ANKFN1: variants seen among roughly 807,000 people sequenced by gnomAD.
ANKFN1 encodes the protein ankyrin repeat and fibronectin type III domain containing 1.
In ANKFN1, 74 loss-of-function variants were observed where a neutral mutation model predicts 108.7. The ratio of observed to expected loss-of-function variants is 0.68; its 90% confidence interval spans 0.56 to 0.83. The LOEUF (loss-of-function observed/expected upper bound fraction) is 0.83. ANKFN1 is among the 40% of genes least tolerant of loss of function. The pLI is 0.00. For synonymous variants in ANKFN1, 547 were observed against 516.2 expected, an observed-to-expected ratio of 1.06 and a Z score of -0.81; for missense variants, 1,505 against 1,382.3, an observed-to-expected ratio of 1.09 and a Z score of -1.41.
chr17:56,181,360 C>T (rs575896507), intron 1 of ANKFN1, among the ~76,000 whole-genome samples: 2 of 152,286 alleles, frequency 1.3e-5, no homozygotes, highest in Admixed American at 6.5e-5. Flanking sequence ...TTATCAAGCA[C>T]GTACTGTGTG....
chr17:56,095,469 T>G (rs929655069), intron 4 of ANKFN1, among the ~76,000 whole-genome samples: 2 of 150,906 alleles, frequency 1.3e-5, no homozygotes, highest in African/African-American at 2.4e-5. Context: ...TTTTTGCGTC[T>G]TTTTGTTGTT....
intron 3 of ANKFN1, among the ~76,000 whole-genome samples, chr17:56,266,260 G>C (rs9902904): frequency 0.085 from 12,970 of 152,120 alleles, 729 homozygotes; most frequent in African/African-American, 0.16. Context: ...TATATTCTGT[G>C]AGAATTTTAC....
intron 17 of ANKFN1, 98 bp from the exon 18 acceptor site, chr17:56,482,258 G>A (rs1342976328): frequency 1.8e-6 from 2 of 1,093,180 alleles, no homozygotes; most frequent in Non-Finnish European, 2.6e-6. Flanking sequence ...GCTTGAAGTT[G>A]TGTAATTTTG....
chr17:56,409,796 A>G (rs1303669452), intron 8 of ANKFN1, among the ~76,000 whole-genome samples: 1 of 152,070 alleles, frequency 6.6e-6, no homozygotes, highest in Non-Finnish European at 1.5e-5. Flanking sequence ...TTTTAAACAC[A>G]AGCAATCACG....
At chr17:56,091,417 A>ATC (rs1422494818) in intron 4 of ANKFN1, among the ~76,000 whole-genome samples, 9 of 87,584 alleles carry the variant, frequency 1.0e-4, no homozygotes, top group Non-Finnish European at 1.6e-4. Context: ...TTCCAAACAA[A>ATC]TCACACACAC....
intron 1 of ANKFN1, among the ~76,000 whole-genome samples, chr17:56,157,924 G>A (rs1330159062): frequency 6.6e-6 from 1 of 152,194 alleles, no homozygotes; most frequent in Non-Finnish European, 1.5e-5. Flanking sequence ...GGGTTACACA[G>A]TTCTTCAACT....
rs111285556 is a variant in ANKFN1, at chr17:56,411,599, A to G, written c.911-28728A>G. The stretch of plus-strand genomic sequence containing the variant: ...GAGAAAAAGCTTTCAACTTTTTACC[A>G]TTTAGTAAGACATTAGCTGTCGGCT... On this transcript the variant is annotated intron_variant, in intron 8 of 20. Coordinates refer to ENST00000682825, the MANE Select transcript of ANKFN1 (RefSeq NM_001370326.1). Among the ~76,000 whole-genome samples the G allele has an allele frequency of 5.3e-3, 811 of 152,292 alleles. 5 individuals are homozygous for G. Among genetic ancestry groups the G allele is most frequent in the African/African-American group, 0.018 (765 of 41,566 alleles).
chr17:56,147,038 C>A (rs1330428291), intron 4 of ANKFN1, among the ~76,000 whole-genome samples: 10 of 152,168 alleles, frequency 6.6e-5, no homozygotes, highest in Admixed American at 6.5e-4. Context: ...ATCTCTAGGG[C>A]AAGGGCAAAA....
At chr17:56,183,097 G>C (rs1289636788) in intron 1 of ANKFN1, among the ~76,000 whole-genome samples, 1 of 152,176 alleles carries the variant, frequency 6.6e-6, no homozygotes, top group East Asian at 1.9e-4. Context: ...CTCTAATAGA[G>C]ATCTGCAAAG....
At chr17:56,316,545 A>G (rs2045213946) in intron 3 of ANKFN1, among the ~76,000 whole-genome samples, 1 of 152,204 alleles carries the variant, frequency 6.6e-6, no homozygotes, top group African/African-American at 2.4e-5. Context: ...TTTAGCAGTT[A>G]GCCAAGGGTA....
rs1320586119 is a variant in ANKFN1, at chr17:56,049,844, A to G, written c.288+3519A>G. ...CTTTGCTATTGTGAATAATGCCGCA[A>G]TAAACATACGTGTGCATGTGTCTTT... On this transcript the variant is annotated intron_variant, in intron 4 of 12. Coordinates refer to the ANKFN1 transcript ENST00000635860. Among the ~76,000 whole-genome samples the G allele has an allele frequency of 2.2e-4, 33 of 150,456 alleles. No individual in the cohort carries two copies. The East Asian group carries it at 6.3e-3, about 29-fold the overall frequency.
At chr17:56,318,457 T>C (rs142456928) in intron 3 of ANKFN1, among the ~76,000 whole-genome samples, 2 of 152,160 alleles carry the variant, frequency 1.3e-5, no homozygotes, top group African/African-American at 4.8e-5. Flanking sequence ...TTATCTACCA[T>C]GCACAGGGCC....
At chr17:56,278,560 C>CCCTTAAACA (rs1274219211) in intron 3 of ANKFN1, among the ~76,000 whole-genome samples, 2 of 152,222 alleles carry the variant, frequency 1.3e-5, no homozygotes, top group Admixed American at 1.3e-4. Context: ...GTGGACCCCA[C>CCCTTAAACA]ATACAATTCC....
At chr17:56,147,832 G>T (rs1181805758) in intron 4 of ANKFN1, among the ~76,000 whole-genome samples, 1 of 152,212 alleles carries the variant, frequency 6.6e-6, no homozygotes, top group East Asian at 1.9e-4. Flanking sequence ...GAGGTTATGG[G>T]AATGGACTAC....
chr17:56,196,332 A>T (rs940751256), intron 1 of ANKFN1, among the ~76,000 whole-genome samples: 8 of 152,128 alleles, frequency 5.3e-5, no homozygotes, highest in Non-Finnish European at 8.8e-5. Context: ...ATAAAGAATT[A>T]TTGTTTCCTC....
intron 1 of ANKFN1, among the ~76,000 whole-genome samples, chr17:56,209,184 A>C (rs1281973340): frequency 6.6e-6 from 1 of 152,172 alleles, no homozygotes; most frequent in African/African-American, 2.4e-5. Context: ...TTCTAAATAC[A>C]AGATCAAAGC....
At chr17:56,465,099 C>A (rs1166865400) in intron 14 of ANKFN1, among the ~76,000 whole-genome samples, 1 of 152,084 alleles carries the variant, frequency 6.6e-6, no homozygotes, top group Admixed American at 6.5e-5. Flanking sequence ...TTCTTTTCTT[C>A]CTTTTTTTTC....
intron 3 of ANKFN1, among the ~76,000 whole-genome samples, chr17:56,262,608 G>A (rs2043543760): frequency 6.6e-6 from 1 of 152,170 alleles, no homozygotes; most frequent in Admixed American, 6.5e-5. Flanking sequence ...TTCTTTTGTA[G>A]CATTTGAAAA....
At chr17:56,188,545 A>ATGTG (rs1173100959) in intron 1 of ANKFN1, among the ~76,000 whole-genome samples, 108 of 87,160 alleles carry the variant, frequency 1.2e-3, no homozygotes, top group African/African-American at 5.3e-3. Context: ...TAAGATGTAT[A>ATGTG]TGTGTGTGTG....
Sources: gnomAD v4.1 joint callset for allele counts (sites outside exome capture counted in the v4.1 genomes callset) on GRCh38, gnomAD v4.1.1 for gene constraint, MANE v1.5 for transcripts, NCBI Gene and HGNC (gene_info 2026-07-23, HGNC 2026-07-21) for gene names.